Variants in ATP8B4 observed in about 807,000 individuals in gnomAD.
ATP8B4 encodes the protein probable phospholipid-transporting ATPase IM.
Under a neutral mutation model 145.6 loss-of-function variants are expected in ATP8B4, and 133 were observed. The observed-to-expected ratio is 0.91, with a 90% CI of 0.79 to 1.05. ATP8B4 has a LOEUF of 1.05. Ranked by LOEUF, ATP8B4 falls within the 50% of genes least tolerant of loss-of-function variation. The pLI, the probability that ATP8B4 is intolerant of heterozygous loss-of-function variation, is 0.00. For synonymous variants in ATP8B4, 507 were observed against 492.9 expected (o/e 1.03, Z -0.38); for missense variants, 1,458 against 1,425.2 (o/e 1.02, Z -0.37).
intron 6 of ATP8B4, chr15:50,019,019 A>T: frequency 1.1e-6 from 1 of 948,470 alleles, no homozygotes; most frequent in Non-Finnish European, 1.5e-6. Context: ...ATGTAAATCC[A>T]TGAATGACAA....
chr15:49,906,063 G>C (rs1190590089), intron 20 of ATP8B4, among the ~76,000 whole-genome samples: 2 of 152,042 alleles, frequency 1.3e-5, no homozygotes, highest in Non-Finnish European at 2.9e-5. Flanking sequence ...AATATCATGG[G>C]CATTTTCCAA....
intron 14 of ATP8B4, among the ~76,000 whole-genome samples, chr15:49,959,544 T>G (rs1299476004): frequency 6.6e-6 from 1 of 152,082 alleles, no homozygotes; most frequent in Non-Finnish European, 1.5e-5. Context: ...TATTTCCAGA[T>G]AGTATGGTTA....
chr15:49,935,834 C>T (rs58963546), intron 14 of ATP8B4, among the ~76,000 whole-genome samples: 7 of 152,030 alleles, frequency 4.6e-5, no homozygotes, highest in Non-Finnish European at 8.8e-5. Flanking sequence ...TAGGCATATC[C>T]AGTTTAATTT....
chr15:50,171,329 T>A (rs1168914948), intron 1 of ATP8B4, among the ~76,000 whole-genome samples: 2 of 152,146 alleles, frequency 1.3e-5, no homozygotes, highest in African/African-American at 2.4e-5. Context: ...TCAATAAATT[T>A]AAAAAAATTG....
chr15:50,002,768 T>C (rs1274467557), intron 7 of ATP8B4, among the ~76,000 whole-genome samples: 1 of 151,906 alleles, frequency 6.6e-6, no homozygotes, highest in African/African-American at 2.4e-5. Flanking sequence ...AGAGGAGAGC[T>C]AAGATAAAGT....
intron 17 of ATP8B4, chr15:49,922,438 T>C: frequency 2.3e-6 from 1 of 432,958 alleles, no homozygotes; most frequent in South Asian, 1.7e-5. Flanking sequence ...CAATTCTCTA[T>C]TGGAAAGACA....
At chr15:49,903,322 T>C (rs1451714052) in intron 20 of ATP8B4, among the ~76,000 whole-genome samples, 1 of 152,198 alleles carries the variant, frequency 6.6e-6, no homozygotes, top group Non-Finnish European at 1.5e-5. Context: ...CACACAATGC[T>C]TAACCACATA....
At chr15:50,096,349 T>G (rs1039767931) in intron 2 of ATP8B4, among the ~76,000 whole-genome samples, 3 of 152,188 alleles carry the variant, frequency 2.0e-5, no homozygotes, top group African/African-American at 7.2e-5. Context: ...CTGTGACTGG[T>G]GGTTTGTGAC....
intron 1 of ATP8B4, among the ~76,000 whole-genome samples, chr15:50,162,744 G>A (rs987172522): frequency 6.6e-6 from 1 of 151,886 alleles, no homozygotes; most frequent in African/African-American, 2.4e-5. Flanking sequence ...CTGACCTCAT[G>A]ATCCACCCGC....
At chr15:49,883,989 T>C (rs1047033420) in intron 23 of ATP8B4, among the ~76,000 whole-genome samples, 1 of 152,226 alleles carries the variant, frequency 6.6e-6, no homozygotes, top group Non-Finnish European at 1.5e-5. Flanking sequence ...CCCAGGTGTC[T>C]TCTATTATGT....
intron 1 of ATP8B4, among the ~76,000 whole-genome samples, chr15:50,178,582 T>G (rs559602066): frequency 1.3e-5 from 2 of 152,270 alleles, no homozygotes; most frequent in South Asian, 4.1e-4. Context: ...AGTCCAGTCT[T>G]GAACTCCTGG....
intron 8 of ATP8B4, 37 bp from the exon 9 acceptor site, chr15:49,996,796 G>C (rs750516216): frequency 6.5e-7 from 1 of 1,542,026 alleles, no homozygotes; most frequent in South Asian, 1.1e-5. Flanking sequence ...TTTTTATATG[G>C]AACAGCCCAA....
At chr15:49,999,909 C>A (rs973892550) in intron 8 of ATP8B4, among the ~76,000 whole-genome samples, 1 of 152,038 alleles carries the variant, frequency 6.6e-6, no homozygotes, top group Non-Finnish European at 1.5e-5. Context: ...CATGATTTTG[C>A]CTTTTCAAAA....
chr15:50,135,610 C>T (rs980030556), intron 1 of ATP8B4, among the ~76,000 whole-genome samples: 3 of 152,126 alleles, frequency 2.0e-5, no homozygotes, highest in Admixed American at 6.6e-5. Flanking sequence ...CACAAGAATT[C>T]CAAATGAGAC....
At chr15:50,174,809 G>A (rs2044738761) in intron 1 of ATP8B4, among the ~76,000 whole-genome samples, 1 of 151,946 alleles carries the variant, frequency 6.6e-6, no homozygotes, top group Admixed American at 6.6e-5. Flanking sequence ...AAATTTATAT[G>A]GAACCAAAAA....
chr15:50,118,908 AG>A (rs1180327481), intron 1 of ATP8B4, among the ~76,000 whole-genome samples: 1 of 152,194 alleles, frequency 6.6e-6, no homozygotes, highest in Non-Finnish European at 1.5e-5. Flanking sequence ...ACAACAAAAA[AG>A]AAAATGTCAC....
At chr15:50,012,270 A>G (rs550548990) in intron 6 of ATP8B4, among the ~76,000 whole-genome samples, 11 of 152,328 alleles carry the variant, frequency 7.2e-5, no homozygotes, top group African/African-American at 2.6e-4. Flanking sequence ...AGCAAACAGC[A>G]TCTTAGAAAA....
At chr15:49,881,135 A>AC (rs1161889246) in intron 23 of ATP8B4, among the ~76,000 whole-genome samples, 2 of 149,896 alleles carry the variant, frequency 1.3e-5, no homozygotes, top group Non-Finnish European at 2.9e-5. Flanking sequence ...AAACAAACAA[A>AC]AAAAAGCCTT....
chr15:50,162,142 G>A (rs1394359410), intron 1 of ATP8B4, among the ~76,000 whole-genome samples: 3 of 151,914 alleles, frequency 2.0e-5, no homozygotes, highest in African/African-American at 4.8e-5. Flanking sequence ...CAGATGTATT[G>A]GAGCTTTCTT....
Sources: gnomAD v4.1 joint callset for allele counts (sites outside exome capture counted in the v4.1 genomes callset) on GRCh38, gnomAD v4.1.1 for gene constraint, MANE v1.5 for transcripts, NCBI Gene and HGNC (gene_info 2026-07-23, HGNC 2026-07-21) for gene names.